Variants in PDXDC1 observed in about 807,000 individuals in gnomAD.
The protein encoded by PDXDC1 is pyridoxal-dependent decarboxylase domain-containing protein 1.
PDXDC1 carries 42 observed loss-of-function variants against 100.1 expected under a neutral mutation model. The ratio of observed to expected loss-of-function variants is 0.42; its 90% CI spans 0.33 to 0.54. PDXDC1 has a LOEUF of 0.54. Among genes scored for constraint, PDXDC1 ranks in the 20% least tolerant of loss-of-function variants. The pLI is 0.10. For synonymous variants in PDXDC1, 260 were observed against 371.7 expected, an observed-to-expected ratio of 0.70 and a Z score of 3.46; for missense variants, 636 against 979.2, an observed-to-expected ratio of 0.65 and a Z score of 4.68.
intron 1 of PDXDC1, among the ~76,000 whole-genome samples, chr16:14,982,714 C>G (rs866314890): frequency 1.3e-5 from 2 of 152,024 alleles, no homozygotes; most frequent in African/African-American, 2.4e-5. Context: ...GTCCTCTTCT[C>G]TCATCCTTGG....
intron 14 of PDXDC1, among the ~76,000 whole-genome samples, chr16:15,027,139 C>T (rs1267582216): frequency 6.6e-6 from 1 of 152,294 alleles, no homozygotes; most frequent in Admixed American, 6.5e-5. Flanking sequence ...TTCATACATT[C>T]TACACAGCCC....
chr16:15,039,506 C>A (rs564049230), downstream of PDXDC1, among the ~76,000 whole-genome samples: 2 of 152,102 alleles, frequency 1.3e-5, no homozygotes, highest in East Asian at 3.8e-4. Flanking sequence ...TAATTAAGCA[C>A]CCTAAGGGAA....
intron 16 of PDXDC1, among the ~76,000 whole-genome samples, chr16:15,097,134 G>C (rs1474571672): frequency 6.6e-6 from 1 of 151,944 alleles, no homozygotes; most frequent in African/African-American, 2.4e-5. Context: ...CAGGCATGGT[G>C]GCACGTGCCT....
chr16:15,077,424 T>C (rs1296155744), intron 16 of PDXDC1, among the ~76,000 whole-genome samples: 2 of 152,094 alleles, frequency 1.3e-5, no homozygotes, highest in African/African-American at 4.8e-5. Context: ...CTGATGGTTT[T>C]ATCAGGGGTT....
intron 16 of PDXDC1, among the ~76,000 whole-genome samples, chr16:15,119,417 G>GTTT (rs371785165): frequency 1.5e-5 from 2 of 137,874 alleles, no homozygotes; most frequent in African/African-American, 2.7e-5. Flanking sequence ...AATTTTTTTT[G>GTTT]TTTTTTTTTT....
At chr16:15,123,980 T>C (rs1172252039) in intron 16 of PDXDC1, among the ~76,000 whole-genome samples, 5 of 151,764 alleles carry the variant, frequency 3.3e-5, no homozygotes, top group African/African-American at 1.2e-4. Flanking sequence ...TCCTTATCTA[T>C]ATCATCTTAC....
chr16:15,094,204 C>T, intron 16 of PDXDC1: 1 of 1,598,842 alleles, frequency 6.3e-7, no homozygotes, highest in Non-Finnish European at 8.5e-7. Flanking sequence ...CATCTCCCGG[C>T]AAACGCGTGT....
intron 16 of PDXDC1, chr16:15,047,262 C>T: frequency 1.7e-6 from 1 of 601,524 alleles, no homozygotes; most frequent in Admixed American, 2.9e-5. Flanking sequence ...GCCCAGCACC[C>T]ACTCATTCAC....
downstream of PDXDC1, among the ~76,000 whole-genome samples, chr16:15,042,544 A>G (rs1249255730): frequency 6.6e-6 from 1 of 151,786 alleles, no homozygotes; most frequent in Non-Finnish European, 1.5e-5. Context: ...TGTAATTCTC[A>G]CCCTTTCATG....
intron 16 of PDXDC1, among the ~76,000 whole-genome samples, chr16:15,068,937 T>A (rs1480908220): frequency 6.6e-6 from 1 of 152,152 alleles, no homozygotes; most frequent in African/African-American, 2.4e-5. Flanking sequence ...TCAATAAAAA[T>A]TACCTAAATG....
At chr16:15,088,827 T>C (rs2046006869) in intron 16 of PDXDC1, among the ~76,000 whole-genome samples, 1 of 152,114 alleles carries the variant, frequency 6.6e-6, no homozygotes, top group Non-Finnish European at 1.5e-5. Context: ...GGGGGCCTTG[T>C]AAACCAGATC....
chr16:15,068,174 G>A, intron 16 of PDXDC1: 2 of 1,574,408 alleles, frequency 1.3e-6, no homozygotes, highest in Non-Finnish European at 1.7e-6. Flanking sequence ...CTTACTTTGT[G>A]ATTGCAGCAA....
Position 15,104,864 on chromosome 16 carries a change from A to G in PDXDC1, c.1400-34015A>G, listed in dbSNP as rs971615857. 2.0e-6 allele frequency: 3 copies of G among 1,518,610 alleles called. No individual in the cohort carries two copies. In the African/African-American group the frequency reaches 4.1e-5, roughly 21 times the overall value. The allele number at this position is 1,518,610 out of a possible 1,614,324, so 94.1% of individuals were successfully genotyped here. A position where few individuals can be genotyped will look rare whatever the true frequency, so the allele number is the denominator to read the frequency against. On this transcript the variant is annotated intron_variant, in intron 16 of 16. Coordinates refer to the PDXDC1 transcript ENST00000535621. Reference sequence around the variant, plus strand: ...TCTGTTGCTGGTGATAGATTTTTGCACCTTTCCATCCTCCAGGTTTCAAAA... The same window carrying G: ...TCTGTTGCTGGTGATAGATTTTTGCGCCTTTCCATCCTCCAGGTTTCAAAA...
chr16:15,058,858 C>A (rs963917360), intron 16 of PDXDC1, among the ~76,000 whole-genome samples: 1 of 152,166 alleles, frequency 6.6e-6, no homozygotes, highest in African/African-American at 2.4e-5. Context: ...TGATCTCAAA[C>A]TCCTGGCTTC....
At chr16:15,015,173 C>T (rs1161269931) in intron 8 of PDXDC1, among the ~76,000 whole-genome samples, 2 of 152,230 alleles carry the variant, frequency 1.3e-5, no homozygotes, top group Non-Finnish European at 2.9e-5. Flanking sequence ...CATCTCCTGA[C>T]CTTGTGATCC....
At chr16:14,984,495 A>ATATATTT (rs1555542734) in intron 1 of PDXDC1, among the ~76,000 whole-genome samples, 68 of 73,412 alleles carry the variant, frequency 9.3e-4, no homozygotes, top group East Asian at 2.0e-3. Context: ...ATATATATAT[A>ATATATTT]TTTTTTTTTT....
chr16:15,073,812 T>A (rs1414281311), intron 16 of PDXDC1, among the ~76,000 whole-genome samples: 1 of 152,030 alleles, frequency 6.6e-6, no homozygotes, highest in Non-Finnish European at 1.5e-5. Flanking sequence ...AGAGATGGGG[T>A]CTTGTTATGT....
At chr16:15,074,571 A>G in intron 16 of PDXDC1, 1 of 471,834 alleles carries the variant, frequency 2.1e-6, no homozygotes, top group East Asian at 3.4e-5. Flanking sequence ...GTGACTGGCA[A>G]GTAACTTGAC....
intron 22 of PDXDC1, 80 bp from the exon 23 acceptor site, chr16:15,035,935 CA>C: frequency 3.6e-6 from 5 of 1,387,380 alleles, no homozygotes; most frequent in Non-Finnish European, 4.9e-6. Context: ...TGAAATAAAG[CA>C]ATTATCTGTT....
Sources: allele counts gnomAD v4.1 joint callset (sites outside exome capture counted in the v4.1 genomes callset), GRCh38; gene constraint gnomAD v4.1.1; transcripts MANE v1.5; gene names NCBI Gene and HGNC (gene_info 2026-07-23, HGNC 2026-07-21).